PDE1C: variants seen among roughly 807,000 people sequenced by gnomAD.
PDE1C encodes phosphodiesterase 1C, also known as dual specificity calcium/calmodulin-dependent 3',5'-cyclic nucleotide phosphodiesterase 1C.
Under a neutral mutation model 93.1 loss-of-function variants are expected in PDE1C, and 62 were observed. The ratio of observed to expected loss-of-function variants is 0.67; its 90% confidence interval spans 0.54 to 0.82. PDE1C has a LOEUF of 0.82. Among genes scored for constraint, PDE1C ranks in the 40% least tolerant of loss-of-function variants. The pLI, the probability that PDE1C is intolerant of heterozygous loss-of-function variation, is 0.00. For synonymous variants in PDE1C, 325 were observed against 310.1 expected (o/e 1.05, Z -0.50); for missense variants, 742 against 884.6 (o/e 0.84, Z 2.04).
intron 3 of PDE1C, among the ~76,000 whole-genome samples, chr7:32,156,578 C>T (rs759360388): frequency 2.6e-5 from 4 of 152,164 alleles, no homozygotes; most frequent in Non-Finnish European, 5.9e-5. Context: ...CTTTCTCTCA[C>T]AAGCAACTGC....
chr7:32,302,298 C>T (rs1401326607), upstream of PDE1C, among the ~76,000 whole-genome samples: 1 of 152,126 alleles, frequency 6.6e-6, no homozygotes, highest in African/African-American at 2.4e-5. Flanking sequence ...CAAGGAAGGA[C>T]TCAGAGTGCA....
intron 3 of PDE1C, among the ~76,000 whole-genome samples, chr7:32,098,487 A>G (rs966408896): frequency 6.6e-6 from 1 of 152,062 alleles, no homozygotes; most frequent in Admixed American, 6.6e-5. Flanking sequence ...ATTTTATTTA[A>G]TCTCTATTTT....
At chr7:31,899,733 T>C (rs1799747301) in intron 2 of PDE1C, among the ~76,000 whole-genome samples, 1 of 152,196 alleles carries the variant, frequency 6.6e-6, no homozygotes, top group Admixed American at 6.5e-5. Context: ...AGCAGGCCTA[T>C]GTAAATAGCA....
At chr7:31,866,891 C>T (rs988487666) in intron 6 of PDE1C, among the ~76,000 whole-genome samples, 1 of 152,014 alleles carries the variant, frequency 6.6e-6, no homozygotes, top group Non-Finnish European at 1.5e-5. Context: ...CCCTGGCAGA[C>T]CCTGAGACTA....
the PDE1C span, chr7:31,642,129 C>G: frequency 7.2e-7 from 1 of 1,391,900 alleles, no homozygotes; most frequent in Non-Finnish European, 9.9e-7. Flanking sequence ...GTCCTGCTGG[C>G]TGCGTGTTTT....
intron 2 of PDE1C, among the ~76,000 whole-genome samples, chr7:32,033,868 C>T (rs1790661905): frequency 6.6e-6 from 1 of 152,128 alleles, no homozygotes; most frequent in Non-Finnish European, 1.5e-5. Context: ...TTAAATTCAT[C>T]CCCAAAAGGA....
chr7:31,994,926 C>T (rs1379686498), intron 2 of PDE1C, among the ~76,000 whole-genome samples: 3 of 152,122 alleles, frequency 2.0e-5, no homozygotes, highest in Non-Finnish European at 4.4e-5. Flanking sequence ...AAATTCCTGG[C>T]CCTACTGAAA....
chr7:32,050,065 G>T (rs1314855017), intron 2 of PDE1C, among the ~76,000 whole-genome samples: 1 of 152,104 alleles, frequency 6.6e-6, no homozygotes, highest in African/African-American at 2.4e-5. Flanking sequence ...TAACACAATG[G>T]TAAGTATGTG....
At chr7:32,243,762 T>C (rs1408642302) in intron 1 of PDE1C, among the ~76,000 whole-genome samples, 2 of 152,242 alleles carry the variant, frequency 1.3e-5, no homozygotes, top group African/African-American at 4.8e-5. Context: ...AGTATAATAA[T>C]ATCTGCATTT....
intron 17 of PDE1C, among the ~76,000 whole-genome samples, chr7:31,754,444 T>A (rs1794322800): frequency 6.6e-6 from 1 of 152,348 alleles, no homozygotes; most frequent in African/African-American, 2.4e-5. Context: ...TGAATTTTTG[T>A]AGAATCTTTA....
chr7:32,149,924 A>G (rs944591092), intron 3 of PDE1C, among the ~76,000 whole-genome samples: 1 of 152,200 alleles, frequency 6.6e-6, no homozygotes, highest in African/African-American at 2.4e-5. Flanking sequence ...CATAAATAAG[A>G]GAAAGTAATG....
chr7:31,652,030 A>G, the PDE1C span: 1 of 1,601,238 alleles, frequency 6.2e-7, no homozygotes, highest in Admixed American at 1.7e-5. Context: ...GGCTCAGCAA[A>G]TCAGAGAAGG....
At position 32,208,712 on chromosome 7, in the gene PDE1C, T is replaced by C. The variant is rs531958832; in HGVS notation, c.136+777A>G. Among the ~76,000 whole-genome samples the C allele has an allele frequency of 2.3e-3, 349 of 151,408 alleles. 1 individual carries two copies. Among genetic ancestry groups the C allele is most frequent in the African/African-American group, 5.9e-3 (244 of 41,180 alleles). On this transcript the variant is annotated intron_variant, in intron 2 of 18. Coordinates refer to the PDE1C transcript ENST00000396193. ...CCACCCTCATCCGTCTCTAGTATTT[T>C]CCCCCCCCTTCTTTGGAATCCAGGT...
chr7:32,231,329 G>A (rs749403707), intron 1 of PDE1C, among the ~76,000 whole-genome samples: 11 of 151,528 alleles, frequency 7.3e-5, no homozygotes, highest in Non-Finnish European at 1.2e-4. Context: ...ACACACACAC[G>A]CGCACGTGCA....
chr7:31,811,405 G>A (rs1190395053), intron 15 of PDE1C, among the ~76,000 whole-genome samples: 1 of 151,994 alleles, frequency 6.6e-6, no homozygotes. Flanking sequence ...TGAGGAGCAG[G>A]GGAGTCTACT....
At chr7:31,657,060 A>ATATATATTATGTATCATATATATTT in the PDE1C span, among the ~76,000 whole-genome samples, 1 of 45,118 alleles carries the variant, frequency 2.2e-5, no homozygotes, top group East Asian at 5.8e-4. Context: ...CACACGCACT[A>ATATATATTATGTATCATATATATTT]TATATATTAT....
intron 1 of PDE1C, among the ~76,000 whole-genome samples, chr7:32,304,669 TGCTA>T (rs1234511189): frequency 6.6e-6 from 1 of 152,172 alleles, no homozygotes. Flanking sequence ...CTCCTCTACT[TGCTA>T]GCTGTGTGAT....
At chr7:32,173,549 T>C (rs1037127348) in intron 2 of PDE1C, among the ~76,000 whole-genome samples, 1 of 151,284 alleles carries the variant, frequency 6.6e-6, no homozygotes, top group Non-Finnish European at 1.5e-5. Context: ...CACTGTCAGA[T>C]CACTAAGCCA....
chr7:31,743,035 C>A, the PDE1C span, among the ~76,000 whole-genome samples: 2 of 152,082 alleles, frequency 1.3e-5, no homozygotes, highest in Non-Finnish European at 2.9e-5. Flanking sequence ...ATGCCACCCC[C>A]TAGTCTGGCC....
Sources: allele counts gnomAD v4.1 joint callset (sites outside exome capture counted in the v4.1 genomes callset), GRCh38; gene constraint gnomAD v4.1.1; transcripts MANE v1.5; gene names NCBI Gene and HGNC (gene_info 2026-07-23, HGNC 2026-07-21).